The following ENTREP2 variants were observed in gnomAD, a reference collection of about 807,000 sequenced individuals.
ENTREP2 encodes protein ENTREP2.
At chr15:29,336,171 TG>T in the ENTREP2 span, among the ~76,000 whole-genome samples, 1 of 150,204 alleles carries the variant, frequency 6.7e-6, no homozygotes, top group South Asian at 2.1e-4. Context: ...AATTCCTTGC[TG>T]GGACATAAAC....
chr15:29,303,873 A>C, the ENTREP2 span, among the ~76,000 whole-genome samples: 1 of 151,652 alleles, frequency 6.6e-6, no homozygotes, highest in South Asian at 2.1e-4. Flanking sequence ...TATGTACCAC[A>C]TTTTCTTTCT....
At chr15:29,480,351 A>AT in the ENTREP2 span, among the ~76,000 whole-genome samples, 1 of 146,032 alleles carries the variant, frequency 6.8e-6, no homozygotes, top group Admixed American at 6.7e-5. Context: ...AAAAAAAAAA[A>AT]AAAAAAAAAA....
chr15:29,550,779 A>G, the ENTREP2 span, among the ~76,000 whole-genome samples: 1 of 152,186 alleles, frequency 6.6e-6, no homozygotes, highest in African/African-American at 2.4e-5. Flanking sequence ...TTGAAGCCCA[A>G]TCAATAACAG....
the ENTREP2 span, among the ~76,000 whole-genome samples, chr15:29,284,124 A>G: frequency 6.6e-5 from 10 of 152,206 alleles, no homozygotes; most frequent in Non-Finnish European, 1.3e-4. Context: ...CCAAAGAAAC[A>G]AAACCAATCG....
chr15:29,282,119 G>A, the ENTREP2 span, among the ~76,000 whole-genome samples: 3 of 152,184 alleles, frequency 2.0e-5, no homozygotes, highest in Admixed American at 6.5e-5. Flanking sequence ...GTTTGGCTGT[G>A]TTCCCACCCA....
At chr15:29,126,007 T>C in the ENTREP2 span, among the ~76,000 whole-genome samples, 1 of 152,142 alleles carries the variant, frequency 6.6e-6, no homozygotes, top group Non-Finnish European at 1.5e-5. Context: ...GCAGCACTTA[T>C]AGCTAATGTC....
chr15:29,570,027 G>T, the ENTREP2 span: 2 of 130,948 alleles, frequency 1.5e-5, no homozygotes, highest in East Asian at 2.9e-4. Context: ...GACGGGAGGC[G>T]CCCCTCCCCC....
chr15:29,283,585 C>T, the ENTREP2 span, among the ~76,000 whole-genome samples: 1 of 152,222 alleles, frequency 6.6e-6, no homozygotes, highest in East Asian at 1.9e-4. Flanking sequence ...CCCAAACCAG[C>T]GCTGGGGAAA....
chr15:29,254,135 G>A, the ENTREP2 span, among the ~76,000 whole-genome samples: 2 of 112,320 alleles, frequency 1.8e-5, no homozygotes, highest in South Asian at 6.5e-4. Context: ...GAGGCGGGGA[G>A]ACTGGCATTA....
chr15:29,155,362 T>G, the ENTREP2 span, among the ~76,000 whole-genome samples: 1 of 152,106 alleles, frequency 6.6e-6, no homozygotes, highest in South Asian at 2.1e-4. Context: ...ATTCCCCACT[T>G]TGGAGGTAAG....
chr15:29,394,426 AG>A, the ENTREP2 span, among the ~76,000 whole-genome samples: 1 of 152,194 alleles, frequency 6.6e-6, no homozygotes, highest in Non-Finnish European at 1.5e-5. Context: ...AAAAATTCCC[AG>A]GAACAAAAAC....
At chr15:29,246,482 G>GTCAGGAGT in the ENTREP2 span, among the ~76,000 whole-genome samples, 1 of 144,100 alleles carries the variant, frequency 6.9e-6, no homozygotes, top group African/African-American at 2.6e-5. Flanking sequence ...ATCGCCTGAG[G>GTCAGGAGT]TCAGGAGTTT....
At chr15:29,182,948 C>A in the ENTREP2 span, among the ~76,000 whole-genome samples, 1 of 152,122 alleles carries the variant, frequency 6.6e-6, no homozygotes, top group African/African-American at 2.4e-5. Flanking sequence ...AGATCCGTAT[C>A]TCACAACACA....
chr15:29,387,800 C>G, the ENTREP2 span, among the ~76,000 whole-genome samples: 15 of 152,244 alleles, frequency 9.9e-5, no homozygotes, highest in South Asian at 2.7e-3. Context: ...GAACAGAGCC[C>G]TCAGAAATAA....
chr15:29,624,786 A>T, the ENTREP2 span, among the ~76,000 whole-genome samples: 2 of 152,120 alleles, frequency 1.3e-5, no homozygotes, highest in Non-Finnish European at 2.9e-5. Flanking sequence ...CTATTGCAAC[A>T]TGAGAGCCAA....
chr15:29,393,235 T>A, the ENTREP2 span, among the ~76,000 whole-genome samples: 1 of 152,230 alleles, frequency 6.6e-6, no homozygotes, highest in South Asian at 2.1e-4. Context: ...TTGCTGTTCA[T>A]CAGTGAACTT....
At chr15:29,137,368 G>A in the ENTREP2 span, among the ~76,000 whole-genome samples, 4 of 152,176 alleles carry the variant, frequency 2.6e-5, no homozygotes, top group South Asian at 2.1e-4. Flanking sequence ...GGAACGCCTC[G>A]TCTCAGAAGT....
the ENTREP2 span, among the ~76,000 whole-genome samples, chr15:29,145,097 TCTTC>T: frequency 6.6e-6 from 1 of 152,032 alleles, no homozygotes; most frequent in Non-Finnish European, 1.5e-5. Context: ...TTCATAACAA[TCTTC>T]CAACAAACGG....
At chr15:29,595,096 A>AAAAC in the ENTREP2 span, among the ~76,000 whole-genome samples, 1 of 126,290 alleles carries the variant, frequency 7.9e-6, no homozygotes, top group African/African-American at 2.9e-5. Flanking sequence ...AAAAAAAAAA[A>AAAAC]ATTTAAAATT....
Sources: gnomAD v4.1 joint callset for allele counts (sites outside exome capture counted in the v4.1 genomes callset) on GRCh38, gnomAD v4.1.1 for gene constraint, MANE v1.5 for transcripts, NCBI Gene and HGNC (gene_info 2026-07-23, HGNC 2026-07-21) for gene names.